Variants in DLG2 observed in about 807,000 individuals in gnomAD.
The protein encoded by DLG2 is discs large MAGUK scaffold protein 2.
DLG2 carries 45 observed loss-of-function variants against 132.5 expected under a neutral mutation model. The ratio of observed to expected loss-of-function variants is 0.34; its 90% CI spans 0.27 to 0.44. DLG2 has a LOEUF of 0.44. Among genes scored for constraint, DLG2 ranks in the 20% least tolerant of loss-of-function variants. The pLI, the probability that DLG2 is intolerant of heterozygous loss-of-function variation, is 1.00. For missense variants in DLG2, 1,045 were observed against 1,196.9 expected (o/e 0.87, Z 1.87); for synonymous variants, 424 against 419.6 (o/e 1.01, Z -0.13).
At chr11:85,056,434 C>A (rs1593339384) in intron 6 of DLG2, among the ~76,000 whole-genome samples, 1 of 151,778 alleles carries the variant, frequency 6.6e-6, no homozygotes, top group South Asian at 2.1e-4. Context: ...TGGCAGTAAA[C>A]CAGAAGAAAT....
At chr11:84,440,243 A>G (rs1460531431) in intron 7 of DLG2, among the ~76,000 whole-genome samples, 1 of 152,222 alleles carries the variant, frequency 6.6e-6, no homozygotes, top group Non-Finnish European at 1.5e-5. Context: ...AGGCAGTTGG[A>G]GGTAGAAAAC....
chr11:83,999,224 C>A (rs1251383793), intron 11 of DLG2, among the ~76,000 whole-genome samples: 1 of 152,062 alleles, frequency 6.6e-6, no homozygotes, highest in Non-Finnish European at 1.5e-5. Flanking sequence ...TTCTTCCACC[C>A]TCTGGGCCAG....
chr11:83,629,121 C>T (rs1476811076), intron 19 of DLG2, among the ~76,000 whole-genome samples: 1 of 152,074 alleles, frequency 6.6e-6, no homozygotes, highest in African/African-American at 2.4e-5. Flanking sequence ...AGATTCCAGG[C>T]CTTTCTAGAG....
chr11:84,510,114 T>TATC (rs1249491313), intron 7 of DLG2, among the ~76,000 whole-genome samples: 59 of 150,100 alleles, frequency 3.9e-4, no homozygotes, highest in Non-Finnish European at 6.2e-4. Context: ...TTATTATTAT[T>TATC]ATTATTATTA....
chr11:85,069,090 G>T (rs938540006), intron 6 of DLG2, among the ~76,000 whole-genome samples: 2 of 151,552 alleles, frequency 1.3e-5, no homozygotes, highest in African/African-American at 4.8e-5. Flanking sequence ...TGGAAAACTG[G>T]CTAGCCATAT....
intron 18 of DLG2, among the ~76,000 whole-genome samples, chr11:83,747,165 T>G (rs2092969336): frequency 6.6e-6 from 1 of 152,214 alleles, no homozygotes; most frequent in Non-Finnish European, 1.5e-5. Flanking sequence ...CAAAATTACC[T>G]GCAGCCAGTA....
chr11:85,070,986 A>C (rs1313683454), intron 6 of DLG2, among the ~76,000 whole-genome samples: 3 of 151,866 alleles, frequency 2.0e-5, no homozygotes, highest in African/African-American at 7.2e-5. Context: ...GTCTGAGCTC[A>C]AATCCAAGCA....
At chr11:85,197,116 C>T (rs77125408) in intron 4 of DLG2, among the ~76,000 whole-genome samples, 2,265 of 152,238 alleles carry the variant, frequency 0.015, 61 homozygotes, top group African/African-American at 0.052. Flanking sequence ...AGTATAGGCA[C>T]AAGATTGCTA....
intron 6 of DLG2, among the ~76,000 whole-genome samples, chr11:84,915,791 C>T (rs946916597): frequency 4.6e-5 from 7 of 152,072 alleles, no homozygotes; most frequent in Admixed American, 2.0e-4. Flanking sequence ...ATATTTCCAG[C>T]TTTCTGAACG....
In DLG2 at chr11:85,260,979, A is replaced by G. The variant is rs115773340; in HGVS notation, c.186+24241T>C. ...ACAAATGGTAGATTCTTTTTTTTTA[A>G]TCTAAAGTCTCTCTTGAGATGTTCC... On this transcript the variant is annotated intron_variant, in intron 4 of 27. Transcript: ENST00000376104. 1.7e-3 allele frequency among the ~76,000 whole-genome samples: 260 copies of G among 152,240 alleles called. 1 individual carries two copies. Among genetic ancestry groups the G allele is most frequent in the African/African-American group, 6.0e-3 (249 of 41,562 alleles).
chr11:83,621,258 G>T (rs66819432), intron 19 of DLG2, among the ~76,000 whole-genome samples: 34,278 of 151,700 alleles, frequency 0.23, 4,265 homozygotes, highest in African/African-American at 0.32. Context: ...CCCTATCAAC[G>T]CCATGATTTT....
At chr11:84,680,644 A>G (rs1354784414) in intron 6 of DLG2, among the ~76,000 whole-genome samples, 3 of 152,190 alleles carry the variant, frequency 2.0e-5, no homozygotes, top group Non-Finnish European at 1.5e-5. Flanking sequence ...TTGCAGCCAG[A>G]CATATTTAGA....
chr11:85,319,664 T>G (rs1479893307), intron 3 of DLG2, among the ~76,000 whole-genome samples: 3 of 151,810 alleles, frequency 2.0e-5, no homozygotes, highest in Non-Finnish European at 4.4e-5. Context: ...AGTTTGAAAA[T>G]TTAAAGAAGA....
chr11:84,236,665 T>C (rs1427013609), intron 8 of DLG2, among the ~76,000 whole-genome samples: 1 of 152,238 alleles, frequency 6.6e-6, no homozygotes, highest in African/African-American at 2.4e-5. Flanking sequence ...TTCTTAGCAG[T>C]AGCTGTGTCT....
chr11:83,577,784 TATA>T (rs1387351239), intron 19 of DLG2, among the ~76,000 whole-genome samples: 2 of 127,210 alleles, frequency 1.6e-5, no homozygotes, highest in Non-Finnish European at 3.1e-5. Flanking sequence ...TTAAATATAT[TATA>T]TTTTATATAT....
At position 84,712,880 on chromosome 11, in the gene DLG2, C is replaced by G. The variant is rs911026406; in HGVS notation, c.358-178149G>C. ...AGAGGTCATGACGTAGAAAGAATAA[C>G]ATTGAGTTCGAAACTAGAAGACCTA... On this transcript the variant is annotated intron_variant, in intron 6 of 27. Coordinates refer to ENST00000376104, the MANE Select transcript of DLG2 (RefSeq NM_001142699.3). Among the ~76,000 whole-genome samples the G allele has an allele frequency of 2.6e-5, 4 of 152,178 alleles. 1 individual carries two copies. In the Middle Eastern group the frequency reaches 0.01, roughly 388 times the overall value.
At chr11:84,453,165 ACTG>A (rs1431015025) in intron 7 of DLG2, among the ~76,000 whole-genome samples, 3 of 151,714 alleles carry the variant, frequency 2.0e-5, no homozygotes, top group Non-Finnish European at 4.4e-5. Flanking sequence ...CAAGTAAGCC[ACTG>A]GATATATAAG....
chr11:85,225,371 T>G (rs7951323), intron 4 of DLG2, among the ~76,000 whole-genome samples: 121,312 of 151,930 alleles, frequency 0.8, 49,304 homozygotes, highest in Non-Finnish European at 0.89. Flanking sequence ...TGCTACCTAC[T>G]TGGTCAAGAA....
chr11:85,295,599 T>C (rs2079163690), intron 3 of DLG2, among the ~76,000 whole-genome samples: 1 of 152,164 alleles, frequency 6.6e-6, no homozygotes, highest in African/African-American at 2.4e-5. Flanking sequence ...CTAAACCCTT[T>C]AATGCAACAT....
Sources: gnomAD v4.1 joint callset for allele counts (sites outside exome capture counted in the v4.1 genomes callset) on GRCh38, gnomAD v4.1.1 for gene constraint, MANE v1.5 for transcripts, NCBI Gene and HGNC (gene_info 2026-07-23, HGNC 2026-07-21) for gene names.